The following TNIP3 variants were observed in gnomAD, a reference collection of about 807,000 sequenced individuals.
TNIP3 encodes TNFAIP3-interacting protein 3.
A neutral mutation model predicts 54.1 loss-of-function variants in TNIP3; 34 were observed. The observed-to-expected ratio is 0.63, with a 90% confidence interval of 0.48 to 0.84. TNIP3 has a LOEUF of 0.84. TNIP3 is among the 40% of genes least tolerant of loss of function. TNIP3 has a pLI of 0.00. For synonymous variants in TNIP3, 134 were observed against 136.8 expected (o/e 0.98, Z 0.14); for missense variants, 366 against 387.6 (o/e 0.94, Z 0.47).
At position 121,147,040 on chromosome 4, in the gene TNIP3, G is replaced by C. The variant is rs1302828134; in HGVS notation, c.735+9C>G. The C allele has an allele frequency of 3.1e-6, 5 of 1,605,766 alleles. No individual in the cohort carries two copies. The highest frequency in any genetic ancestry group is 4.2e-6 in the Non-Finnish European group (5 of 1,176,900). ...ATGCTGGCAAAGATTATTTTGTTTT[G>C]ACTTGTACCTGGGAATTCAGCCTGT... On this transcript the variant is annotated intron_variant, in intron 7 of 10. Coordinates refer to ENST00000057513, the MANE Select transcript of TNIP3 (RefSeq NM_024873.6).
intron 2 of TNIP3, among the ~76,000 whole-genome samples, chr4:121,183,694 C>G (rs573356144): frequency 3.9e-5 from 6 of 152,054 alleles, no homozygotes; most frequent in African/African-American, 1.4e-4. Flanking sequence ...AATCCTATTG[C>G]GAACTGCACA....
At chr4:121,225,088 T>A (rs1394526018) in intron 1 of TNIP3, among the ~76,000 whole-genome samples, 1 of 152,256 alleles carries the variant, frequency 6.6e-6, no homozygotes, top group Non-Finnish European at 1.5e-5. Context: ...TTAACTATAC[T>A]GCTTAAGACT....
chr4:121,161,271 G>T lies in TNIP3; in HGVS notation c.67-55C>A, dbSNP rs1435636160. ...AACAAAGCTGTTTACAAAATAAACA[G>T]AAGTACTGTTCCTCAGAAACCCCAT... On this transcript the variant is annotated intron_variant, in intron 1 of 10. Transcript: ENST00000057513. 2.1e-6 allele frequency: 3 copies of T among 1,456,676 alleles called. No homozygotes were observed. The East Asian group carries it at 7.3e-5, about 36-fold the overall frequency. The allele number at this position is 1,456,676 out of a possible 1,614,324, so 90.2% of individuals were successfully genotyped here.
chr4:121,201,586 A>G (rs937206731), intron 2 of TNIP3, among the ~76,000 whole-genome samples: 8 of 152,210 alleles, frequency 5.3e-5, no homozygotes, highest in African/African-American at 1.7e-4. Flanking sequence ...AGCTTCATGC[A>G]ATACATGTCT....
intron 2 of TNIP3, among the ~76,000 whole-genome samples, chr4:121,203,136 T>C (rs971739161): frequency 7.2e-5 from 11 of 152,112 alleles, no homozygotes; most frequent in African/African-American, 2.7e-4. Flanking sequence ...AGCATGTTTA[T>C]AGCAGCACAA....
At chr4:121,164,444 T>C (rs569851399), upstream of TNIP3, 10 of 718,240 alleles carry the variant, frequency 1.4e-5, no homozygotes, top group South Asian at 4.0e-4. Flanking sequence ...TGCTATAGTA[T>C]GTAAATCGTC....
At chr4:121,141,655 T>G (rs946509853) in intron 9 of TNIP3, among the ~76,000 whole-genome samples, 161 bp downstream of exon 9, 1 of 152,212 alleles carries the variant, frequency 6.6e-6, no homozygotes. Context: ...GTCCCAAAGA[T>G]AATTCTAGTG....
intron 3 of TNIP3, among the ~76,000 whole-genome samples, chr4:121,169,462 A>AT (rs1041153182): frequency 6.6e-6 from 1 of 151,696 alleles, no homozygotes; most frequent in Non-Finnish European, 1.5e-5. Flanking sequence ...ATAACACTAA[A>AT]TTTTTTTCTT....
intron 2 of TNIP3, among the ~76,000 whole-genome samples, chr4:121,194,849 GA>G (rs564026329): frequency 0.07 from 8,873 of 126,120 alleles, 355 homozygotes; most frequent in South Asian, 0.22. Flanking sequence ...ATGAACAATA[GA>G]AAAAAAAAAG....
In TNIP3 at chr4:121,132,601, C is replaced by G; in HGVS notation, c.*30G>C. On this transcript the variant is annotated 3_prime_UTR_variant, in exon 11 of 11. Coordinates refer to ENST00000057513, the MANE Select transcript of TNIP3 (RefSeq NM_024873.6). ...GGTCCTCAGCCACGCTCCCTCGTTG[C>G]CTGTTGTCTCTCTCTGTTAGTGTGT... 1 of 1,609,854 alleles carries G rather than the reference C, an allele frequency of 6.2e-7. No individual in the cohort carries two copies. Among genetic ancestry groups the G allele is most frequent in the South Asian group, 1.1e-5 (1 of 90,814 alleles).
chr4:121,224,569 C>A (rs2148855381), intron 1 of TNIP3, among the ~76,000 whole-genome samples: 1 of 152,210 alleles, frequency 6.6e-6, no homozygotes. Context: ...TGACAGAACA[C>A]TCTCTAATTA....
intron 8 of TNIP3, 25 bp downstream of exon 8, chr4:121,142,701 A>C (rs1729193001): frequency 6.3e-7 from 1 of 1,589,164 alleles, no homozygotes; most frequent in Non-Finnish European, 8.6e-7. Flanking sequence ...GAATAAATGT[A>C]TGCGTGAAAA....
chr4:121,189,770 G>A (rs1352054549), intron 2 of TNIP3, among the ~76,000 whole-genome samples: 1 of 152,220 alleles, frequency 6.6e-6, no homozygotes, highest in Non-Finnish European at 1.5e-5. Flanking sequence ...GTATTTGCAT[G>A]TCTGAAATGA....
intron 2 of TNIP3, among the ~76,000 whole-genome samples, chr4:121,159,288 G>A (rs1018234720): frequency 1.3e-5 from 2 of 152,028 alleles, no homozygotes; most frequent in Non-Finnish European, 2.9e-5. Context: ...AGAAAAACCA[G>A]TAAGTCTCAG....
In TNIP3 at chr4:121,141,873, C is replaced by T; in HGVS notation, c.828G>A (p.Leu276=). 6.3e-7 allele frequency: 1 copy of T among 1,599,448 alleles called. No individual in the cohort carries two copies. Among genetic ancestry groups the T allele is most frequent in the Non-Finnish European group, 8.5e-7 (1 of 1,173,034 alleles). The stretch of plus-strand genomic sequence containing the variant: ...GGCCTGTTGGTACCCATGGATCTTG[C>T]AGGTGGAAAACCAAGCCGCAGTTAC... ...PPCNCGLVFH[L]QDPWVPTGPG... is the part of the protein sequence containing the mutation. Residue 276 remains leucine (L), a synonymous_variant, in exon 9 of 11, where the codon CTG becomes CTA. Coordinates refer to ENST00000057513, the MANE Select transcript of TNIP3 (RefSeq NM_024873.6).
intron 10 of TNIP3, among the ~76,000 whole-genome samples, chr4:121,137,236 G>A (rs1008835979): frequency 2.0e-5 from 3 of 152,050 alleles, no homozygotes; most frequent in Admixed American, 6.6e-5. Flanking sequence ...AGTCATTCCA[G>A]AGCAATATAA....
At chr4:121,173,684 A>G (rs561445080) in intron 3 of TNIP3, among the ~76,000 whole-genome samples, 1 of 152,288 alleles carries the variant, frequency 6.6e-6, no homozygotes, top group East Asian at 1.9e-4. Context: ...GCTGGAGCGC[A>G]ATGGTGAGAA....
chr4:121,211,223 C>T (rs1410488282), intron 2 of TNIP3, among the ~76,000 whole-genome samples: 1 of 152,106 alleles, frequency 6.6e-6, no homozygotes, highest in Non-Finnish European at 1.5e-5. Context: ...ATTTAACTAA[C>T]AGAGCAGAAT....
intron 7 of TNIP3, among the ~76,000 whole-genome samples, chr4:121,143,526 T>C (rs1466326145): frequency 6.6e-6 from 1 of 152,224 alleles, no homozygotes; most frequent in Non-Finnish European, 1.5e-5. Context: ...TGTAGTGTTG[T>C]ATATTTACTG....
Sources: gnomAD v4.1 joint callset for allele counts (sites outside exome capture counted in the v4.1 genomes callset) on GRCh38, gnomAD v4.1.1 for gene constraint, MANE v1.5 for transcripts, NCBI Gene and HGNC (gene_info 2026-07-23, HGNC 2026-07-21) for gene names.